SLC12A4: variants seen among roughly 807,000 people sequenced by gnomAD.
The protein encoded by SLC12A4 is electroneutral potassium-chloride cotransporter 1.
In SLC12A4, 84 loss-of-function variants were observed where a neutral mutation model predicts 119.2. The observed-to-expected ratio is 0.70, with a 90% CI of 0.59 to 0.85. SLC12A4 has a LOEUF of 0.85. Among genes scored for constraint, SLC12A4 ranks in the 40% least tolerant of loss-of-function variants. The pLI is 0.00. For missense variants in SLC12A4, 1,298 were observed against 1,476.3 expected, an observed-to-expected ratio of 0.88 and a Z score of 1.98; for synonymous variants, 599 against 604.6, an observed-to-expected ratio of 0.99 and a Z score of 0.14.
intron 1 of SLC12A4, among the ~76,000 whole-genome samples, chr16:67,966,068 G>A (rs749522850): frequency 6.6e-6 from 1 of 152,230 alleles, no homozygotes; most frequent in Non-Finnish European, 1.5e-5. Context: ...GACTGCGGCA[G>A]ACTGGCTTGG....
chr16:67,957,468 CT>C (rs528846352), intron 5 of SLC12A4: 27 of 427,608 alleles, frequency 6.3e-5, no homozygotes, highest in South Asian at 1.1e-4. Flanking sequence ...CGCGCCTGGC[CT>C]TTTTTTGCAC....
intron 1 of SLC12A4, 85 bp downstream of exon 1, chr16:67,968,354 G>A: frequency 1.6e-6 from 2 of 1,258,106 alleles, no homozygotes; most frequent in Non-Finnish European, 2.1e-6. Flanking sequence ...AAGGTCCCGG[G>A]ATAGGTGCGG....
intron 5 of SLC12A4, 50 bp from the exon 6 acceptor site, chr16:67,954,823 A>G (rs1427918379): frequency 6.2e-7 from 1 of 1,610,560 alleles, no homozygotes; most frequent in East Asian, 2.2e-5. Flanking sequence ...GTTCTTCTTC[A>G]AGGGGTCTCC....
At chr16:67,945,329 T>G (rs1490945794) in intron 22 of SLC12A4, 40 bp downstream of exon 22, 1 of 1,588,008 alleles carries the variant, frequency 6.3e-7, no homozygotes, top group African/African-American at 1.3e-5. Context: ...CCTCCACCCC[T>G]AGATTCCAGT....
At chr16:67,964,035 A>G (rs1028614643) in intron 1 of SLC12A4, 3 of 1,550,716 alleles carry the variant, frequency 1.9e-6, no homozygotes, top group Non-Finnish European at 1.7e-6. Context: ...CATGGCCCAA[A>G]GGTGGCCGGC....
Position 67,951,078 on chromosome 16 carries a change from A to G in SLC12A4, c.1298-18T>C. On this transcript the variant is annotated intron_variant, in intron 9 of 23. Coordinates refer to ENST00000316341, the MANE Select transcript of SLC12A4 (RefSeq NM_005072.5). This position sits in a 1 kb window ranked among gnomAD's most constrained non-coding sequence, Gnocchi z 5.2. Reference sequence around the variant, plus strand: ...CATGATGCCTCCAAAAACAGATGAGACTCCCTCAGGGGCTCCCCGGGATTG... The same window carrying G: ...CATGATGCCTCCAAAAACAGATGAGGCTCCCTCAGGGGCTCCCCGGGATTG... 1 of 1,613,142 alleles carries G rather than the reference A, an allele frequency of 6.2e-7. No individual in the cohort carries two copies. The highest frequency in any genetic ancestry group is 1.7e-4 in the Middle Eastern group (1 of 6,054).
intron 1 of SLC12A4, chr16:67,964,214 AT>A: frequency 1.0e-6 from 1 of 974,780 alleles, no homozygotes; most frequent in Non-Finnish European, 1.5e-6. Flanking sequence ...AGGGAGAAAA[AT>A]GGGAGCTGGG....
At chr16:67,947,252 CGGCA>C in intron 16 of SLC12A4, 75 bp downstream of exon 16, 1 of 1,507,376 alleles carries the variant, frequency 6.6e-7, no homozygotes, top group Non-Finnish European at 9.0e-7. Flanking sequence ...GATGGGGAGC[CGGCA>C]CCTCTCGACC....
Position 67,951,162 on chromosome 16 carries a change from G to A in SLC12A4, c.1275C>T (p.Gly425=). The change falls in exon 9 of 24, where the codon GGC becomes GGT. Residue 425 remains glycine, a synonymous_variant. Transcript: ENST00000316341. This position sits in a 1 kb window ranked among gnomAD's most constrained non-coding sequence, Gnocchi z 5.2. The part of the protein sequence containing the change: ...DIATSFTVLV[G]IFFPSVTGIM... The stretch of plus-strand genomic sequence containing the variant: ...CACCTGTTACAGAAGGGAAGAAGAT[G>A]CCGACCAGCACGGTGAAGGATGTGG... 6.2e-7 allele frequency: 1 copy of A among 1,614,058 alleles called. No individual in the cohort carries two copies. Among genetic ancestry groups the A allele is most frequent in the Non-Finnish European group, 8.5e-7 (1 of 1,179,952 alleles).
In SLC12A4 at chr16:67,944,161, GAGTGGGAGGGGCCCTAGGGCC is replaced by G; in HGVS notation, c.*658_*678del. On this transcript the variant is annotated 3_prime_UTR_variant, in exon 24 of 24. Transcript: ENST00000316341. The surrounding 1 kb of genome is among the most constrained non-coding windows in gnomAD (Gnocchi z 6.6). ...ACTGGGCTGTCCTTATCTGGTGTGGGAGTGGGAGGGGCCCTAGGGCCAGTGGGAGGGACGGCCTGGCCAGTG... is the reference window on the plus strand; with the variant it reads ...ACTGGGCTGTCCTTATCTGGTGTGGGAGTGGGAGGGACGGCCTGGCCAGTG... The G allele has an allele frequency of 1.3e-6, 2 of 1,524,040 alleles. No homozygotes were observed. Among genetic ancestry groups the G allele is most frequent in the Non-Finnish European group, 1.8e-6 (2 of 1,128,888 alleles). 94.4% of individuals were successfully genotyped at this position (1,524,040 alleles called of 1,614,324 possible).
chr16:67,959,745 C>T (rs939944314), intron 3 of SLC12A4, among the ~76,000 whole-genome samples: 5 of 152,180 alleles, frequency 3.3e-5, no homozygotes, highest in Admixed American at 2.6e-4. Flanking sequence ...CAGGGTGGGC[C>T]GGAAATGCTT....
At position 67,948,170 on chromosome 16, in the gene SLC12A4, G is replaced by C. The variant is rs906276344; in HGVS notation, c.1749-11C>G. Reference sequence around the variant, plus strand: ...CACATCAGAAAGAACCTGCGGCACAGAGGGCGGTTGGCGAAGAGCAGCCTC... The same window carrying C: ...CACATCAGAAAGAACCTGCGGCACACAGGGCGGTTGGCGAAGAGCAGCCTC... On this transcript the variant is annotated splice_polypyrimidine_tract_variant and intron_variant, in intron 13 of 23. Transcript: ENST00000316341. 1 of 1,612,804 alleles carries C rather than the reference G, an allele frequency of 6.2e-7. No homozygotes were observed. Among genetic ancestry groups the C allele is most frequent in the African/African-American group, 1.3e-5 (1 of 74,956 alleles).
Position 67,944,982 on chromosome 16 carries a change from G to A in SLC12A4, c.3167-51C>T. 1.2e-6 allele frequency: 2 copies of A among 1,611,354 alleles called. No individual in the cohort carries two copies. Among genetic ancestry groups the A allele is most frequent in the African/African-American group, 1.3e-5 (1 of 75,006 alleles). ...AACAACAGAATCAACGGGCAACCCG[G>A]GCCACCTGGGCCATGCCCACCCAGG... On this transcript the variant is annotated intron_variant, in intron 23 of 23. Transcript: ENST00000316341. This position sits in a 1 kb window ranked among gnomAD's most constrained non-coding sequence, Gnocchi z 6.6.
intron 3 of SLC12A4, among the ~76,000 whole-genome samples, chr16:67,961,326 G>A (rs1377127119): frequency 6.6e-6 from 1 of 152,186 alleles, no homozygotes; most frequent in East Asian, 1.9e-4. Flanking sequence ...TAAAGGCTGA[G>A]TACAGGCAGC....
At chr16:67,945,330 A>T in intron 22 of SLC12A4, 39 bp downstream of exon 22, 1 of 1,588,850 alleles carries the variant, frequency 6.3e-7, no homozygotes, top group Non-Finnish European at 8.6e-7. Flanking sequence ...CTCCACCCCT[A>T]GATTCCAGTG....
At chr16:67,954,419 G>A (rs997892392) in intron 6 of SLC12A4, among the ~76,000 whole-genome samples, 8 of 152,238 alleles carry the variant, frequency 5.3e-5, no homozygotes, top group Non-Finnish European at 1.2e-4. Flanking sequence ...ATCCAGGGCC[G>A]AGGTGAAGGC....
intron 1 of SLC12A4, 47 bp from the exon 2 acceptor site, chr16:67,963,606 G>A: frequency 7.2e-7 from 1 of 1,391,454 alleles, no homozygotes; most frequent in Non-Finnish European, 9.8e-7. Flanking sequence ...GAGCCCCCCA[G>A]CCTGGGCCCC....
Position 67,944,771 on chromosome 16 carries a change from T to A in SLC12A4, c.*69A>T, listed in dbSNP as rs756901247. 15 of 1,574,242 alleles carry A rather than the reference T, an allele frequency of 9.5e-6. No homozygotes were observed. Among genetic ancestry groups the A allele is most frequent in the Non-Finnish European group, 1.2e-5 (14 of 1,162,026 alleles). On this transcript the variant is annotated 3_prime_UTR_variant, in exon 24 of 24. Coordinates refer to ENST00000316341, the MANE Select transcript of SLC12A4 (RefSeq NM_005072.5). The surrounding 1 kb of genome is among the most constrained non-coding windows in gnomAD (Gnocchi z 6.6). The stretch of plus-strand genomic sequence containing the variant: ...GCAGGTGGGTGCTGGGAAGAGGCTG[T>A]TACCCCAGACCACAGCTTGTTATGT...
rs117817502 is a variant in SLC12A4, at chr16:67,943,825, G to A, written c.*1015C>T. The A allele has an allele frequency of 3.9e-3, 3,569 of 923,806 alleles. 6 individuals are homozygous for A. The highest frequency in any genetic ancestry group is 5.0e-3 in the Non-Finnish European group (3,090 of 621,180). The allele number at this position is 923,806 out of a possible 1,614,324, so 57.2% of individuals were successfully genotyped here. On this transcript the variant is annotated 3_prime_UTR_variant, in exon 24 of 24. Transcript: ENST00000316341. This position sits in a 1 kb window ranked among gnomAD's most constrained non-coding sequence, Gnocchi z 4.6. Reference sequence around the variant, plus strand: ...AGCTTTTGGCCCCTCCCCACACCAGGGCAGGTACTTATGTCGGGGCTTATG... The same window carrying A: ...AGCTTTTGGCCCCTCCCCACACCAGAGCAGGTACTTATGTCGGGGCTTATG...
Sources: gnomAD v4.1 joint callset for allele counts (sites outside exome capture counted in the v4.1 genomes callset) on GRCh38, gnomAD v4.1.1 for gene constraint, Gnocchi (gnomAD v3.1) non-coding constraint, MANE v1.5 for transcripts, NCBI Gene and HGNC (gene_info 2026-07-23, HGNC 2026-07-21) for gene names.